Variants in LOC400499 observed in about 807,000 individuals in gnomAD.
At chr16:11,396,383 G>T in the LOC400499 span, 2 of 890,318 alleles carry the variant, frequency 2.2e-6, no homozygotes, top group Non-Finnish European at 3.0e-6. Flanking sequence ...ATGCTGGTTT[G>T]CAGTTCCTCA....
chr16:11,517,239 C>T, the LOC400499 span, among the ~76,000 whole-genome samples: 2 of 152,182 alleles, frequency 1.3e-5, no homozygotes, highest in Admixed American at 1.3e-4. Flanking sequence ...TCCCCTCTAA[C>T]TTGTCTCGCT....
chr16:11,396,680 GA>G, the LOC400499 span: 1 of 1,231,978 alleles, frequency 8.1e-7, no homozygotes, highest in Non-Finnish European at 1.0e-6. Flanking sequence ...GAGGGCCTGG[GA>G]CGAGAGAGTC....
chr16:11,453,992 T>C, the LOC400499 span, among the ~76,000 whole-genome samples: 1 of 152,148 alleles, frequency 6.6e-6, no homozygotes, highest in Non-Finnish European at 1.5e-5. Flanking sequence ...TGAAACACCC[T>C]ATGCTAAGGA....
chr16:11,512,868 G>C, the LOC400499 span, among the ~76,000 whole-genome samples: 6 of 152,316 alleles, frequency 3.9e-5, no homozygotes, highest in African/African-American at 1.4e-4. Flanking sequence ...GGCAGACCAA[G>C]CTGGGATCCT....
the LOC400499 span, among the ~76,000 whole-genome samples, chr16:11,405,882 T>A: frequency 2.6e-5 from 4 of 152,212 alleles, no homozygotes; most frequent in Admixed American, 2.6e-4. Flanking sequence ...TGACCCTGTG[T>A]GATCAGACCA....
chr16:11,519,086 G>A, the LOC400499 span: 22 of 397,428 alleles, frequency 5.5e-5, no homozygotes, highest in Middle Eastern at 6.3e-4. Flanking sequence ...CCCATGTTGG[G>A]GGCAAGGCAG....
At chr16:11,373,428 G>C in the LOC400499 span, among the ~76,000 whole-genome samples, 2 of 152,060 alleles carry the variant, frequency 1.3e-5, no homozygotes, top group Non-Finnish European at 2.9e-5. Context: ...CTGCCTCCTG[G>C]GTTCAAGCGA....
the LOC400499 span, chr16:11,500,891 G>T: frequency 0.69 from 276,331 of 398,822 alleles, 96,588 homozygotes; most frequent in Admixed American, 0.78. Context: ...CCTCCACCGC[G>T]GCTGATGCGA....
At chr16:11,503,218 T>G in the LOC400499 span, among the ~76,000 whole-genome samples, 1 of 151,462 alleles carries the variant, frequency 6.6e-6, no homozygotes, top group East Asian at 1.9e-4. Flanking sequence ...CCCACCCTTT[T>G]CCAATATTCC....
At chr16:11,461,903 T>A in the LOC400499 span, among the ~76,000 whole-genome samples, 1 of 152,216 alleles carries the variant, frequency 6.6e-6, no homozygotes, top group African/African-American at 2.4e-5. Flanking sequence ...TGGGTCAGAA[T>A]AAAAACAGTC....
chr16:11,430,996 G>C, the LOC400499 span: 1 of 399,066 alleles, frequency 2.5e-6, no homozygotes, highest in Admixed American at 4.4e-5. Flanking sequence ...TCCAAAGAAA[G>C]TGCTTGCCGC....
the LOC400499 span, chr16:11,424,436 G>C: frequency 2.5e-6 from 1 of 398,852 alleles, no homozygotes; most frequent in Middle Eastern, 6.3e-4. Flanking sequence ...GAACATGACG[G>C]GGGCCTGGCC....
At chr16:11,527,190 G>A in the LOC400499 span, among the ~76,000 whole-genome samples, 1 of 152,300 alleles carries the variant, frequency 6.6e-6, no homozygotes, top group South Asian at 2.1e-4. Context: ...TCCTGGGCCA[G>A]CCCCGTGCCA....
At chr16:11,483,812 T>C in the LOC400499 span, among the ~76,000 whole-genome samples, 2 of 151,386 alleles carry the variant, frequency 1.3e-5, no homozygotes, top group Non-Finnish European at 2.9e-5. Context: ...GGGGCAAAGG[T>C]TGCAATGAGC....
chr16:11,500,591 G>A, the LOC400499 span, among the ~76,000 whole-genome samples: 1 of 151,854 alleles, frequency 6.6e-6, no homozygotes, highest in African/African-American at 2.4e-5. Context: ...ACACAGGTGG[G>A]AGGCACATTG....
chr16:11,485,920 G>C, the LOC400499 span, among the ~76,000 whole-genome samples: 1 of 151,910 alleles, frequency 6.6e-6, no homozygotes, highest in South Asian at 2.1e-4. Context: ...GGAAATTACA[G>C]GGCTGGATGG....
the LOC400499 span, among the ~76,000 whole-genome samples, chr16:11,483,708 T>A: frequency 9.6e-5 from 14 of 145,232 alleles, no homozygotes; most frequent in Non-Finnish European, 1.7e-4. Flanking sequence ...TGTACAACTT[T>A]TAAAAAAAAA....
the LOC400499 span, among the ~76,000 whole-genome samples, chr16:11,454,871 G>A: frequency 6.6e-6 from 1 of 152,220 alleles, no homozygotes; most frequent in Non-Finnish European, 1.5e-5. Flanking sequence ...CAGAGGAGAA[G>A]TAAAAGGAAT....
At chr16:11,385,464 C>A in the LOC400499 span, 11 of 1,195,710 alleles carry the variant, frequency 9.2e-6, no homozygotes, top group African/African-American at 1.6e-5. Context: ...CAGCTCCACC[C>A]ACCGCAGTAG....
Sources: allele counts gnomAD v4.1 joint callset (sites outside exome capture counted in the v4.1 genomes callset), GRCh38; gene constraint gnomAD v4.1.1; transcripts MANE v1.5.